Variants in XKRX observed in about 807,000 individuals in gnomAD.
XKRX encodes XK-related protein 2.
In XKRX, 11 loss-of-function variants were observed where a neutral mutation model predicts 22.4. The ratio of observed to expected loss-of-function variants is 0.49; its 90% CI spans 0.31 to 0.81. The LOEUF (loss-of-function observed/expected upper bound fraction) is 0.81, where lower values mean the gene tolerates loss of function less well. Ranked by LOEUF, XKRX falls within the 40% of genes least tolerant of loss-of-function variation. The pLI is 0.05. For synonymous variants in XKRX, 114 were observed against 132.2 expected (o/e 0.86, Z 0.94); for missense variants, 320 against 336.5 (o/e 0.95, Z 0.38).
the XKRX span, among the ~76,000 whole-genome samples, chrX:100,903,029 G>A: frequency 9.2e-6 from 1 of 108,381 alleles, no homozygotes; most frequent in Non-Finnish European, 1.9e-5. Flanking sequence ...GATTACAGTC[G>A]TGAGCCACCG....
chrX:100,888,914 C>G, the XKRX span, among the ~76,000 whole-genome samples: 1 of 110,615 alleles, frequency 9.0e-6, no homozygotes, highest in Non-Finnish European at 1.9e-5. Context: ...AAGACATAAC[C>G]TCTAGTGCCC....
At chrX:100,936,891 T>C in the XKRX span, among the ~76,000 whole-genome samples, 2 of 107,792 alleles carry the variant, frequency 1.9e-5, no homozygotes, top group African/African-American at 6.8e-5. Context: ...ACGTGGAAAT[T>C]ACAATTCGAG....
the XKRX span, among the ~76,000 whole-genome samples, chrX:100,954,284 T>C: frequency 9.0e-6 from 1 of 110,841 alleles, no homozygotes; most frequent in East Asian, 2.8e-4. Context: ...CCAGGTGTGG[T>C]GGCAGGCACC....
chrX:100,887,629 T>A, the XKRX span: 1 of 665,398 alleles, frequency 1.5e-6, no homozygotes, highest in Admixed American at 2.2e-5. Flanking sequence ...AAGCTCTGTT[T>A]CCTAATTAAC....
chrX:100,927,519 G>A, intron 1 of XKRX, among the ~76,000 whole-genome samples: 1 of 110,902 alleles, frequency 9.0e-6, no homozygotes, highest in Non-Finnish European at 1.9e-5. Flanking sequence ...ACATTCCTTT[G>A]GTCCCAGCTA....
At chrX:100,897,593 ATGTGTGTGTGTGTGTGTGTG>A in the XKRX span, among the ~76,000 whole-genome samples, 5 of 66,462 alleles carry the variant, frequency 7.5e-5, no homozygotes, top group South Asian at 2.0e-3. Flanking sequence ...AAATATATAT[ATGTGTGTGTGTGTGTGTGTG>A]TGTGTGTGTG....
At chrX:100,917,216 C>G (rs1379605909) in intron 2 of XKRX, among the ~76,000 whole-genome samples, 1 of 111,209 alleles carries the variant, frequency 9.0e-6, no homozygotes, top group African/African-American at 3.3e-5. Flanking sequence ...ACCCACGAGG[C>G]AGAGGTTGCA....
At chrX:100,896,891 C>T in the XKRX span, among the ~76,000 whole-genome samples, 1 of 111,121 alleles carries the variant, frequency 9.0e-6, no homozygotes, top group African/African-American at 3.3e-5. Flanking sequence ...GAATCAATCC[C>T]AAAAAACTAA....
At position 100,915,074 on chromosome X, in the gene XKRX, A is replaced by G. The variant is rs775554193; in HGVS notation, c.614T>C (p.Met205Thr). 3.3e-6 allele frequency: 4 copies of G among 1,205,614 alleles called. No homozygotes were observed. The Admixed American group carries it at 8.8e-5, about 27-fold the overall frequency. Residue 205 changes from methionine (M) to threonine (T), a missense_variant, in exon 3 of 3, where the codon ATG (methionine) becomes ACG (threonine). By Grantham distance (81) the Met-to-Thr change is moderately conservative. Coordinates refer to ENST00000372956, the MANE Select transcript of XKRX (RefSeq NM_212559.3). Reference protein sequence around the residue: ...AEVPLGRVVLMVFSLVSVTYG... With the variant: ...AEVPLGRVVLTVFSLVSVTYG... ...GGTGACAGATACCAGGGAAAATACC[A>G]TTAGCACAACTGTTAAAAACAAAAA...
chrX:100,920,680 G>A (rs2085467749), intron 2 of XKRX, among the ~76,000 whole-genome samples: 1 of 112,506 alleles, frequency 8.9e-6, no homozygotes, highest in African/African-American at 3.2e-5. Context: ...CGCAGAGGTA[G>A]TTTCTTGCAT....
chrX:100,950,418 G>A, the XKRX span, among the ~76,000 whole-genome samples: 1 of 112,295 alleles, frequency 8.9e-6, no homozygotes, highest in South Asian at 3.7e-4. Context: ...AGATAGGAAA[G>A]TGCAAATAGA....
chrX:100,933,963 A>G (rs2085528487), upstream of XKRX, among the ~76,000 whole-genome samples: 1 of 111,736 alleles, frequency 8.9e-6, no homozygotes, highest in African/African-American at 3.3e-5. Flanking sequence ...TCATGCAGTC[A>G]TTACCACAAC....
chrX:100,948,079 T>A, the XKRX span, among the ~76,000 whole-genome samples: 1 of 39,778 alleles, frequency 2.5e-5, no homozygotes, highest in African/African-American at 9.3e-5. Flanking sequence ...ATTTTTGTAT[T>A]TTTTTTTTGG....
chrX:100,912,803 G>A (rs1205053606), downstream of XKRX, among the ~76,000 whole-genome samples: 3 of 112,097 alleles, frequency 2.7e-5, no homozygotes, highest in African/African-American at 9.7e-5. Flanking sequence ...CAACTGATAT[G>A]AGATGTAAAC....
the XKRX span, among the ~76,000 whole-genome samples, chrX:100,949,404 C>T: frequency 2.1e-5 from 2 of 96,850 alleles, no homozygotes; most frequent in East Asian, 6.8e-4. Context: ...CTTGCTCTGT[C>T]GCCCAGGCAG....
chrX:100,959,041 T>G, the XKRX span, among the ~76,000 whole-genome samples: 1 of 111,927 alleles, frequency 8.9e-6, no homozygotes, highest in East Asian at 2.8e-4. Context: ...GTGTGAAATA[T>G]TCTCTGCAAA....
intron 1 of XKRX, among the ~76,000 whole-genome samples, chrX:100,925,078 G>C (rs1418443147): frequency 2.7e-5 from 3 of 112,138 alleles, no homozygotes; most frequent in African/African-American, 9.7e-5. Flanking sequence ...TTCTTGTTCT[G>C]CATAAGTGCA....
At chrX:100,936,993 CT>C in the XKRX span, among the ~76,000 whole-genome samples, 7,050 of 95,339 alleles carry the variant, frequency 0.074, 218 homozygotes, top group Non-Finnish European at 0.087. Context: ...CTAACACAGC[CT>C]TTTTTTTTTT....
the XKRX span, among the ~76,000 whole-genome samples, chrX:100,899,078 CA>C: frequency 9.0e-6 from 1 of 111,497 alleles, no homozygotes; most frequent in African/African-American, 3.3e-5. Flanking sequence ...CAGTCTTCTA[CA>C]AAAAAATAAT....
Sources: allele counts gnomAD v4.1 joint callset (sites outside exome capture counted in the v4.1 genomes callset), GRCh38; gene constraint gnomAD v4.1.1; transcripts MANE v1.5; gene names NCBI Gene and HGNC (gene_info 2026-07-23, HGNC 2026-07-21).